The following CTBP2 variants were observed in gnomAD, a reference collection of about 807,000 sequenced individuals.
The protein encoded by CTBP2 is C-terminal-binding protein 2.
Under a neutral mutation model 80.3 loss-of-function variants are expected in CTBP2, and 30 were observed. The ratio of observed to expected loss-of-function variants is 0.37; its 90% CI spans 0.28 to 0.51. The LOEUF (loss-of-function observed/expected upper bound fraction) is 0.51, where lower values mean the gene tolerates loss of function less well. Ranked by LOEUF, CTBP2 falls within the 20% of genes least tolerant of loss-of-function variation. The probability of loss-of-function intolerance (pLI) is 0.93; values close to 1 mark genes in which losing one functional copy is unlikely to be tolerated. For missense variants in CTBP2, 1,212 were observed against 1,375.3 expected, an observed-to-expected ratio of 0.88 and a Z score of 1.88; for synonymous variants, 594 against 587.4, an observed-to-expected ratio of 1.01 and a Z score of -0.16.
At position 125,066,349 on chromosome 10, in the gene CTBP2, C is replaced by T. The variant is rs907543403; in HGVS notation, c.-101-27194G>A. Among the ~76,000 whole-genome samples the T allele has an allele frequency of 2.0e-5, 3 of 152,112 alleles. No homozygotes were observed. Among genetic ancestry groups the T allele is most frequent in the Non-Finnish European group, 4.4e-5 (3 of 68,018 alleles). ...ACCAACATCAGGACCAGCGAGAAATCGGGAAAACATCAAGTCAGAACGTCC... is the reference window on the plus strand; with the variant it reads ...ACCAACATCAGGACCAGCGAGAAATTGGGAAAACATCAAGTCAGAACGTCC... On this transcript the variant is annotated intron_variant, in intron 2 of 10. Transcript: ENST00000337195. This position sits in a 1 kb window ranked among gnomAD's most constrained non-coding sequence, Gnocchi z 4.1.
chr10:125,119,480 T>G (rs1324334988), intron 1 of CTBP2, among the ~76,000 whole-genome samples: 1 of 152,204 alleles, frequency 6.6e-6, no homozygotes, highest in Non-Finnish European at 1.5e-5. Context: ...TACAGGGATA[T>G]GTCAGACACT....
In CTBP2 at chr10:125,019,562, G is replaced by T. The variant is rs987131057; in HGVS notation, c.1678+6520C>A. On this transcript the variant is annotated intron_variant, in intron 1 of 8. Coordinates refer to ENST00000309035, the MANE Select transcript of CTBP2 (RefSeq NM_022802.3). ...TGAAGCTCTAATTTTGCTCTACCCA[G>T]CCCAGCTCTCCACAGCTCAGCTTCT... is the stretch of plus-strand genomic sequence containing the variant. Among the ~76,000 whole-genome samples, 6 of 152,070 alleles carry T rather than the reference G, an allele frequency of 3.9e-5. No individual in the cohort carries two copies. In the South Asian group the frequency reaches 1.0e-3, roughly 26 times the overall value.
At chr10:125,054,973 G>A (rs930699445) in intron 2 of CTBP2, among the ~76,000 whole-genome samples, 2 of 152,106 alleles carry the variant, frequency 1.3e-5, no homozygotes, top group African/African-American at 2.4e-5. Context: ...ATAAATTCCA[G>A]GGCTACGCTC....
At chr10:125,103,659 T>A (rs1179316806) in intron 2 of CTBP2, among the ~76,000 whole-genome samples, 1 of 152,162 alleles carries the variant, frequency 6.6e-6, no homozygotes, top group Non-Finnish European at 1.5e-5. Context: ...CTCGAGCAGC[T>A]GGAGCCAAGG....
intron 2 of CTBP2, among the ~76,000 whole-genome samples, chr10:125,072,236 C>T (rs906321097): frequency 2.4e-4 from 37 of 152,138 alleles, no homozygotes; most frequent in Non-Finnish European, 3.8e-4. Context: ...GCCAAGATGG[C>T]GCCACTGCAC....
At position 124,988,243 on chromosome 10, in the gene CTBP2, G is replaced by A. The variant is rs1372206604; in HGVS notation, c.*1275C>T. The stretch of plus-strand genomic sequence containing the variant: ...ATGGAACCCTGTAGTAACAAGAGCT[G>A]GAAATTGGCTAATTGACAATGCAAT... On this transcript the variant is annotated 3_prime_UTR_variant, in exon 9 of 9. Transcript: ENST00000309035. 1.2e-4 allele frequency: 19 copies of A among 152,592 alleles called. No individual in the cohort carries two copies. Among genetic ancestry groups the A allele is most frequent in the Admixed American group, 9.2e-4 (14 of 15,282 alleles). The allele number at this position is 152,592 out of a possible 1,614,324, so 9.5% of individuals were successfully genotyped here.
At chr10:125,148,598 G>A (rs1591093529) in intron 1 of CTBP2, among the ~76,000 whole-genome samples, 1 of 152,210 alleles carries the variant, frequency 6.6e-6, no homozygotes, top group East Asian at 1.9e-4. Flanking sequence ...GGACCCAAAA[G>A]CACAACTGGG....
intron 1 of CTBP2, among the ~76,000 whole-genome samples, chr10:125,113,949 C>T (rs146015973): frequency 1.3e-5 from 2 of 152,250 alleles, no homozygotes; most frequent in African/African-American, 2.4e-5. Flanking sequence ...AGCAAGTGCT[C>T]GTTGTTACTT....
chr10:125,127,136 A>G (rs976146439), intron 1 of CTBP2, among the ~76,000 whole-genome samples: 3 of 152,192 alleles, frequency 2.0e-5, no homozygotes, highest in Non-Finnish European at 2.9e-5. Flanking sequence ...CCCCATGCAC[A>G]TGCTCTCAAA....
intron 2 of CTBP2, among the ~76,000 whole-genome samples, chr10:125,073,676 T>C (rs918717368): frequency 3.3e-5 from 5 of 152,372 alleles, no homozygotes; most frequent in African/African-American, 4.8e-5. Flanking sequence ...TAGGCATTTA[T>C]ACAAATTGTT....
intron 2 of CTBP2, among the ~76,000 whole-genome samples, chr10:125,071,828 C>A (rs1459626719): frequency 1.3e-5 from 2 of 152,122 alleles, no homozygotes; most frequent in African/African-American, 2.4e-5. Flanking sequence ...GCAGACCCTG[C>A]ACCTTTGCAA....
At chr10:125,081,518 C>T (rs1170109290) in intron 2 of CTBP2, among the ~76,000 whole-genome samples, 1 of 152,144 alleles carries the variant, frequency 6.6e-6, no homozygotes, top group Non-Finnish European at 1.5e-5. Flanking sequence ...AGATTATATA[C>T]TCTGTGCGTG....
At position 125,059,070 on chromosome 10, in the gene CTBP2, T is replaced by C. The variant is rs1201533878; in HGVS notation, c.-101-19915A>G. ...TTCTGCATGGATACCGGAGGCTCAC[T>C]GCGTGAACCTTCTGGAGACGGCACT... is the stretch of plus-strand genomic sequence containing the variant. On this transcript the variant is annotated intron_variant, in intron 2 of 10. Coordinates refer to the CTBP2 transcript ENST00000337195. Among the ~76,000 whole-genome samples the C allele has an allele frequency of 2.0e-5, 3 of 152,134 alleles. No homozygotes were observed. The East Asian group carries it at 5.8e-4, about 29-fold the overall frequency.
intron 2 of CTBP2, among the ~76,000 whole-genome samples, chr10:125,056,175 ATAAT>A (rs142228636): frequency 0.011 from 1,484 of 136,938 alleles, 33 homozygotes; most frequent in African/African-American, 0.035. Flanking sequence ...AAAAATAAAA[ATAAT>A]AATAATAATA....
rs778845524 is a variant in CTBP2, at chr10:125,048,775, G to A, written c.-101-9620C>T. On this transcript the variant is annotated intron_variant, in intron 2 of 10. Coordinates refer to the CTBP2 transcript ENST00000337195. The stretch of plus-strand genomic sequence containing the variant: ...GAGAGGACGGTGCTGGGGAGGGGCC[G>A]GCTGGGCTGCTCCGCAAATGCCCCT... Among the ~76,000 whole-genome samples the A allele has an allele frequency of 5.3e-5, 8 of 152,158 alleles. No homozygotes were observed. The South Asian group carries it at 6.2e-4, about 12-fold the overall frequency.
chr10:125,143,356 T>A (rs544198103), intron 1 of CTBP2, among the ~76,000 whole-genome samples: 1 of 152,080 alleles, frequency 6.6e-6, no homozygotes, highest in Non-Finnish European at 1.5e-5. Context: ...GGGAGTGCTG[T>A]AATCCCACCT....
At chr10:124,997,934 T>C (rs770944202) in intron 4 of CTBP2, 30 bp downstream of exon 6, 2 of 1,590,292 alleles carry the variant, frequency 1.3e-6, no homozygotes, top group Non-Finnish European at 1.7e-6. Flanking sequence ...GTCGGAGGGG[T>C]TGGGGGTCAG....
intron 1 of CTBP2, among the ~76,000 whole-genome samples, 166 bp from the exon 2 acceptor site, chr10:125,111,259 C>T (rs1372411786): frequency 2.0e-5 from 3 of 152,098 alleles, no homozygotes. Flanking sequence ...TTTAGTCACA[C>T]ACCAGATCAA....
rs777207837 is a variant in CTBP2, at chr10:124,994,026, T to C, written c.2401-41A>G. 2.5e-6 allele frequency: 4 copies of C among 1,612,166 alleles called. 1 individual carries two copies. The South Asian group carries it at 4.4e-5, about 18-fold the overall frequency. ...AAAGCCGGTTACAGGCACACTGGCA[T>C]GGTGGAAGACTCTTGTACCAAGGTT... On this transcript the variant is annotated intron_variant, in intron 5 of 8. Coordinates refer to ENST00000309035, the MANE Select transcript of CTBP2 (RefSeq NM_022802.3).
Sources: gnomAD v4.1 joint callset for allele counts (sites outside exome capture counted in the v4.1 genomes callset) on GRCh38, gnomAD v4.1.1 for gene constraint, Gnocchi (gnomAD v3.1) non-coding constraint, MANE v1.5 for transcripts, NCBI Gene and HGNC (gene_info 2026-07-23, HGNC 2026-07-21) for gene names.